The following SPTLC2 variants were observed in gnomAD, a reference collection of about 807,000 sequenced individuals.
SPTLC2 encodes the protein serine palmitoyltransferase long chain base subunit 2.
A neutral mutation model predicts 62.0 loss-of-function variants in SPTLC2; 21 were observed. The ratio of observed to expected loss-of-function variants is 0.34; its 90% CI spans 0.24 to 0.49. The LOEUF (loss-of-function observed/expected upper bound fraction) is 0.49. Ranked by LOEUF, SPTLC2 falls within the 20% of genes least tolerant of loss-of-function variation. The probability of loss-of-function intolerance (pLI) is 0.99; values close to 1 mark genes in which losing one functional copy is unlikely to be tolerated. For missense variants in SPTLC2, 511 were observed against 713.0 expected (o/e 0.72, Z 3.23); for synonymous variants, 261 against 261.8 (o/e 1.00, Z 0.03).
intron 8 of SPTLC2, chr14:77,554,924 G>T (rs17751727): frequency 6.4e-6 from 2 of 310,788 alleles, no homozygotes; most frequent in Non-Finnish European, 1.2e-5. Flanking sequence ...GTGTCCAAGG[G>T]CAAGGTGACC....
At chr14:77,520,216 A>C (rs2079379358) in intron 10 of SPTLC2, among the ~76,000 whole-genome samples, 1 of 152,230 alleles carries the variant, frequency 6.6e-6, no homozygotes, top group South Asian at 2.1e-4. Flanking sequence ...TTCCACTTAA[A>C]GAAGAATGAA....
chr14:77,570,357 G>A (rs770074128), intron 5 of SPTLC2, 27 bp downstream of exon 5: 4 of 1,610,426 alleles, frequency 2.5e-6, no homozygotes, highest in East Asian at 2.2e-5. Flanking sequence ...ACATGAGGGA[G>A]TTTTCATAAA....
chr14:77,580,022 C>T (rs2079739319), intron 2 of SPTLC2, among the ~76,000 whole-genome samples: 1 of 152,166 alleles, frequency 6.6e-6, no homozygotes, highest in African/African-American at 2.4e-5. Context: ...AGCCTCCTCC[C>T]ACATTAATAG....
chr14:77,514,302 G>T (rs2079348296), intron 11 of SPTLC2, among the ~76,000 whole-genome samples: 1 of 152,126 alleles, frequency 6.6e-6, no homozygotes, highest in South Asian at 2.1e-4. Flanking sequence ...GATAGAAAAA[G>T]AAATCCTCAG....
rs199549155 is a variant in SPTLC2, at chr14:77,583,179, AAT to A, written c.328-4072_328-4071del. Among the ~76,000 whole-genome samples the A allele has an allele frequency of 2.7e-3, 409 of 150,394 alleles. 2 individuals carry two copies. The highest frequency in any genetic ancestry group is 9.4e-3 in the African/African-American group (385 of 40,888). On this transcript the variant is annotated intron_variant, in intron 2 of 11. Transcript: ENST00000216484. The stretch of plus-strand genomic sequence containing the variant: ...CGGACCACTGCACTTTAGCCTGGGC[AAT>A]AGAGTGAAAAGCTGTCTCAATAAAT...
chr14:77,581,170 T>TA (rs1260238753), intron 2 of SPTLC2, among the ~76,000 whole-genome samples: 1 of 152,212 alleles, frequency 6.6e-6, no homozygotes, highest in African/African-American at 2.4e-5. Context: ...TTGGTGCCAA[T>TA]ATAAATTAAG....
chr14:77,543,254 T>C (rs2079511112), intron 9 of SPTLC2, among the ~76,000 whole-genome samples: 5 of 152,184 alleles, frequency 3.3e-5, no homozygotes, highest in Non-Finnish European at 5.9e-5. Flanking sequence ...TTCACTACTA[T>C]GTTGGCCAGG....
At chr14:77,595,754 C>T (rs1159035344) in intron 2 of SPTLC2, among the ~76,000 whole-genome samples, 2 of 152,186 alleles carry the variant, frequency 1.3e-5, no homozygotes, top group South Asian at 2.1e-4. Context: ...TGTTCACTGG[C>T]TCGTCTCAGC....
At position 77,616,418 on chromosome 14, in the gene SPTLC2, C is replaced by T. The variant is rs759255519; in HGVS notation, c.132+30G>A. 4 of 1,382,498 alleles carry T rather than the reference C, an allele frequency of 2.9e-6. No homozygotes were observed. The South Asian group carries it at 4.5e-5, about 16-fold the overall frequency. The allele number at this position is 1,382,498 out of a possible 1,614,324, so 85.6% of individuals were successfully genotyped here. A position where few individuals can be genotyped will look rare whatever the true frequency, so the allele number is the denominator to read the frequency against. On this transcript the variant is annotated intron_variant, in intron 1 of 11. Transcript: ENST00000216484. The stretch of plus-strand genomic sequence containing the variant: ...GCCCCTCCGCCAGTCCACACCGCCA[C>T]CCCGGCCCCGCCGCGCGGGCCCCTC...
intron 2 of SPTLC2, among the ~76,000 whole-genome samples, chr14:77,586,704 C>T (rs2079783578): frequency 6.6e-6 from 1 of 152,036 alleles, no homozygotes; most frequent in South Asian, 2.1e-4. Flanking sequence ...TCCTAAAAAC[C>T]ACTTAGAAAA....
intron 5 of SPTLC2, 95 bp downstream of exon 5, chr14:77,570,289 T>C (rs1349388228): frequency 1.4e-6 from 2 of 1,451,424 alleles, no homozygotes; most frequent in Non-Finnish European, 9.5e-7. Context: ...ATGTTTAGCC[T>C]AAAGTTTATA....
chr14:77,615,127 A>C (rs937527680), intron 1 of SPTLC2, among the ~76,000 whole-genome samples: 10 of 152,238 alleles, frequency 6.6e-5, no homozygotes, highest in African/African-American at 2.4e-4. Context: ...GGAAAACGAC[A>C]AACTATTCCA....
At chr14:77,607,479 T>C (rs954327890) in intron 1 of SPTLC2, among the ~76,000 whole-genome samples, 3 of 152,246 alleles carry the variant, frequency 2.0e-5, no homozygotes, top group African/African-American at 7.2e-5. Flanking sequence ...CCTTAGTTTA[T>C]ATTGCCTGAG....
intron 11 of SPTLC2, among the ~76,000 whole-genome samples, chr14:77,516,743 G>A (rs575293904): frequency 3.0e-4 from 46 of 152,206 alleles, no homozygotes; most frequent in African/African-American, 9.9e-4. Flanking sequence ...TACTGTATTC[G>A]ACATGGAAAA....
At chr14:77,584,203 A>G (rs148951341) in intron 2 of SPTLC2, among the ~76,000 whole-genome samples, 6 of 152,348 alleles carry the variant, frequency 3.9e-5, no homozygotes, top group African/African-American at 1.2e-4. Context: ...TATAATATAC[A>G]TAAGTACCAC....
chr14:77,570,288 C>T lies in SPTLC2; in HGVS notation c.756+96G>A, dbSNP rs941045216. On this transcript the variant is annotated intron_variant, in intron 5 of 11. Coordinates refer to ENST00000216484, the MANE Select transcript of SPTLC2 (RefSeq NM_004863.4). ...TATCTTTGGCTAAACTATGTTTAGC[C>T]TAAAGTTTATAACAGCTTTTAGCTC... 13 of 1,505,058 alleles carry T rather than the reference C, an allele frequency of 8.6e-6. No homozygotes were observed. In the African/African-American group the frequency reaches 1.7e-4, roughly 19 times the overall value. 93.2% of individuals were successfully genotyped at this position (1,505,058 alleles called of 1,614,324 possible). A position where few individuals can be genotyped will look rare whatever the true frequency, so the allele number is the denominator to read the frequency against.
At chr14:77,591,448 T>C (rs2079815948) in intron 2 of SPTLC2, among the ~76,000 whole-genome samples, 2 of 152,242 alleles carry the variant, frequency 1.3e-5, no homozygotes, top group African/African-American at 2.4e-5. Context: ...AAAACCATTG[T>C]ATCGTACACT....
chr14:77,611,472 A>C (rs1216810363), intron 1 of SPTLC2, among the ~76,000 whole-genome samples: 1 of 151,494 alleles, frequency 6.6e-6, no homozygotes, highest in East Asian at 1.9e-4. Context: ...AAAAAAAAAA[A>C]AAAGAAAGAA....
chr14:77,599,797 C>A (rs2079867544), intron 1 of SPTLC2, among the ~76,000 whole-genome samples: 1 of 151,968 alleles, frequency 6.6e-6, no homozygotes, highest in South Asian at 2.1e-4. Context: ...TAAAAATTAA[C>A]AACATAACAA....
Sources: allele counts gnomAD v4.1 joint callset (sites outside exome capture counted in the v4.1 genomes callset), GRCh38; gene constraint gnomAD v4.1.1; transcripts MANE v1.5; gene names NCBI Gene and HGNC (gene_info 2026-07-23, HGNC 2026-07-21).